LMNTD1: variants seen among roughly 807,000 people sequenced by gnomAD.
LMNTD1 encodes the protein lamin tail domain containing 1, also known as lamin tail domain-containing protein 1.
LMNTD1 carries 35 observed loss-of-function variants against 50.9 expected under a neutral mutation model. The observed-to-expected ratio is 0.69, with a 90% CI of 0.53 to 0.91. The LOEUF is 0.91. Ranked by LOEUF, LMNTD1 falls within the 40% of genes least tolerant of loss-of-function variation. LMNTD1 has a pLI of 0.00. For synonymous variants in LMNTD1, 153 were observed against 161.9 expected (o/e 0.94, Z 0.42); for missense variants, 470 against 475.5 (o/e 0.99, Z 0.11).
At chr12:25,565,715 A>C (rs960382070) in intron 1 of LMNTD1, among the ~76,000 whole-genome samples, 1 of 152,164 alleles carries the variant, frequency 6.6e-6, no homozygotes, top group African/African-American at 2.4e-5. Flanking sequence ...CTTTTTGCTC[A>C]TCAACATCCT....
chr12:25,576,726 G>A (rs1945035535), intron 1 of LMNTD1, among the ~76,000 whole-genome samples: 1 of 152,154 alleles, frequency 6.6e-6, no homozygotes, highest in Admixed American at 6.5e-5. Flanking sequence ...TTTGGCTTTT[G>A]TTGCCATGCT....
At position 25,564,859 on chromosome 12, in the gene LMNTD1, T is replaced by C. The variant is rs530006819; in HGVS notation, c.59-18305A>G. ...CTAGCTATTATTGTATTGGAGTCTA[T>C]CTCTCTCTTTATCTCTAATAATATT... On this transcript the variant is annotated intron_variant, in intron 1 of 7. Coordinates refer to the LMNTD1 transcript ENST00000445693. Among the ~76,000 whole-genome samples, 10 of 152,294 alleles carry C rather than the reference T, an allele frequency of 6.6e-5. No homozygotes were observed. In the East Asian group the frequency reaches 1.7e-3, roughly 26 times the overall value.
intron 8 of LMNTD1, among the ~76,000 whole-genome samples, chr12:25,504,496 G>A (rs999007047): frequency 1.4e-4 from 22 of 152,132 alleles, no homozygotes; most frequent in African/African-American, 5.3e-4. Context: ...AAAGATGAGT[G>A]TTATTTTTAT....
At chr12:25,587,852 G>A (rs549238018) in intron 1 of LMNTD1, among the ~76,000 whole-genome samples, 4 of 152,248 alleles carry the variant, frequency 2.6e-5, no homozygotes, top group African/African-American at 7.2e-5. Flanking sequence ...TAGGAAAGAA[G>A]ATCAGAAACA....
At chr12:25,548,224 C>A (rs1943549984) in intron 3 of LMNTD1, among the ~76,000 whole-genome samples, 1 of 151,318 alleles carries the variant, frequency 6.6e-6, no homozygotes, top group Non-Finnish European at 1.5e-5. Flanking sequence ...CCCTATATAA[C>A]CCATGTCAAA....
intron 3 of LMNTD1, among the ~76,000 whole-genome samples, chr12:25,548,467 A>C (rs829034): frequency 0.68 from 103,003 of 151,582 alleles, 35,268 homozygotes; most frequent in Admixed American, 0.73. Flanking sequence ...CTTACAGGTA[A>C]GTTCAGATTC....
chr12:25,539,649 A>G (rs990369040), intron 4 of LMNTD1, among the ~76,000 whole-genome samples: 4 of 151,686 alleles, frequency 2.6e-5, no homozygotes, highest in Non-Finnish European at 5.9e-5. Context: ...ATACCCTAAC[A>G]TCACAATTGA....
At chr12:25,502,209 A>G (rs768613698) in intron 9 of LMNTD1, among the ~76,000 whole-genome samples, 2 of 152,198 alleles carry the variant, frequency 1.3e-5, no homozygotes, top group South Asian at 2.1e-4. Flanking sequence ...ATTTTTTTCC[A>G]AGCAAAACAT....
intron 1 of LMNTD1, among the ~76,000 whole-genome samples, chr12:25,582,852 T>C (rs1945353678): frequency 6.6e-6 from 1 of 152,110 alleles, no homozygotes; most frequent in Non-Finnish European, 1.5e-5. Context: ...TTTAAGCAGT[T>C]TATTTATTTA....
intron 1 of LMNTD1, among the ~76,000 whole-genome samples, chr12:25,579,821 A>G (rs1565498181): frequency 6.6e-6 from 1 of 152,026 alleles, no homozygotes; most frequent in Non-Finnish European, 1.5e-5. Flanking sequence ...TCTTTTCAAC[A>G]ATACCGGTAT....
chr12:25,576,814 T>G (rs1483566337), intron 1 of LMNTD1, among the ~76,000 whole-genome samples: 2 of 152,202 alleles, frequency 1.3e-5, no homozygotes, highest in African/African-American at 2.4e-5. Context: ...CTAGGGTTTT[T>G]ATGGTTTTAG....
At chr12:25,634,658 A>C (rs1946789377) in intron 1 of LMNTD1, among the ~76,000 whole-genome samples, 1 of 152,198 alleles carries the variant, frequency 6.6e-6, no homozygotes, top group Admixed American at 6.5e-5. Context: ...GACATAGCTC[A>C]ATGTGATAAA....
chr12:25,626,031 C>G (rs970817147), intron 1 of LMNTD1, among the ~76,000 whole-genome samples: 2 of 152,216 alleles, frequency 1.3e-5, no homozygotes, highest in African/African-American at 4.8e-5. Context: ...TTTATGTCTT[C>G]TTCCCTTTCA....
rs11836427 is a variant in LMNTD1, at chr12:25,607,639, C to T, written c.58+40855G>A. ...ATTGTTCAGTTTCCATGTAGTTGAG[C>T]GGTTTTGAGTGAGTTTCTTAATCCT... On this transcript the variant is annotated intron_variant, in intron 1 of 7. Coordinates refer to the LMNTD1 transcript ENST00000445693. Among the ~76,000 whole-genome samples the T allele has an allele frequency of 9.6e-3, 1,463 of 152,200 alleles. 33 individuals are homozygous for T. Among genetic ancestry groups the T allele is most frequent in the African/African-American group, 0.033 (1,379 of 41,518 alleles).
At position 25,548,231 on chromosome 12, in the gene LMNTD1, C is replaced by G. The variant is rs552032404; in HGVS notation, c.310+1095G>C. Among the ~76,000 whole-genome samples, 183 of 151,468 alleles carry G rather than the reference C, an allele frequency of 1.2e-3. 1 individual carries two copies. Among genetic ancestry groups the G allele is most frequent in the Admixed American group, 3.3e-3 (50 of 15,208 alleles). On this transcript the variant is annotated intron_variant, in intron 3 of 9. Coordinates refer to ENST00000458174, the MANE Select transcript of LMNTD1 (RefSeq NM_001145728.2). ...AAAAAAAACCCTATATAACCCATGT[C>G]AAAGATTTTTTTAAAATATCAGAAA...
chr12:25,556,803 T>A (rs941283278), upstream of LMNTD1, among the ~76,000 whole-genome samples: 4 of 152,222 alleles, frequency 2.6e-5, no homozygotes, highest in Non-Finnish European at 5.9e-5. Context: ...ATATTACATA[T>A]ACACAATTTT....
intron 4 of LMNTD1, among the ~76,000 whole-genome samples, chr12:25,536,981 A>T (rs1942639389): frequency 6.6e-6 from 1 of 152,256 alleles, no homozygotes; most frequent in East Asian, 1.9e-4. Flanking sequence ...GCACCTGGAA[A>T]ATCGGGTCAC....
At chr12:25,609,471 G>A (rs979535266) in intron 1 of LMNTD1, among the ~76,000 whole-genome samples, 1 of 152,080 alleles carries the variant, frequency 6.6e-6, no homozygotes, top group African/African-American at 2.4e-5. Context: ...TCTACCTTTG[G>A]TCTTTGATGT....
At chr12:25,638,450 T>C (rs1946883644) in intron 1 of LMNTD1, among the ~76,000 whole-genome samples, 1 of 152,004 alleles carries the variant, frequency 6.6e-6, no homozygotes, top group African/African-American at 2.4e-5. Context: ...CTAAACAACT[T>C]ACTAAAAGCC....
Sources: gnomAD v4.1 joint callset for allele counts (sites outside exome capture counted in the v4.1 genomes callset) on GRCh38, gnomAD v4.1.1 for gene constraint, MANE v1.5 for transcripts, NCBI Gene and HGNC (gene_info 2026-07-23, HGNC 2026-07-21) for gene names.